Variants in SH3TC1 observed in about 807,000 individuals in gnomAD.
SH3TC1 encodes SH3 domain and tetratricopeptide repeat-containing protein 1.
Under a neutral mutation model 117.3 loss-of-function variants are expected in SH3TC1, and 135 were observed. The ratio of observed to expected loss-of-function variants is 1.15; its 90% CI spans 1.00 to 1.33. The LOEUF (loss-of-function observed/expected upper bound fraction) is 1.33. SH3TC1 is among the 40% of genes most tolerant of loss of function. The probability of loss-of-function intolerance (pLI) is 0.00; values close to 1 mark genes in which losing one functional copy is unlikely to be tolerated. For missense variants in SH3TC1, 2,092 were observed against 1,794.3 expected, an observed-to-expected ratio of 1.17 and a Z score of -3.00; for synonymous variants, 898 against 816.9, an observed-to-expected ratio of 1.10 and a Z score of -1.69.
chr4:8,236,142 C>G (rs1452335206), intron 15 of SH3TC1, 136 bp from the exon 16 acceptor site: 1 of 1,154,908 alleles, frequency 8.7e-7, no homozygotes, highest in Non-Finnish European at 1.2e-6. Context: ...CGCCCTTTAT[C>G]TCAGAGCACA....
intron 3 of SH3TC1, among the ~76,000 whole-genome samples, chr4:8,212,042 T>TG (rs35414452): frequency 6.7e-6 from 1 of 148,942 alleles, no homozygotes; most frequent in Non-Finnish European, 1.5e-5. Flanking sequence ...AGGAGTGGGG[T>TG]GGGGGGTGGA....
At chr4:8,212,872 CAG>C (rs1161981756) in intron 4 of SH3TC1, 44 bp downstream of exon 4, 29 of 1,504,290 alleles carry the variant, frequency 1.9e-5, no homozygotes, top group Non-Finnish European at 2.4e-5. Flanking sequence ...GAGCTGGAGT[CAG>C]GGGGAGGGAG....
chr4:8,219,588 C>T (rs1292264553), intron 9 of SH3TC1, 58 bp downstream of exon 9: 14 of 1,411,516 alleles, frequency 9.9e-6, no homozygotes, highest in South Asian at 3.0e-5. Context: ...CCTAAGGGGA[C>T]GTTGCTGCGT....
chr4:8,218,857 C>A (rs1016428424), intron 8 of SH3TC1, among the ~76,000 whole-genome samples: 2 of 152,192 alleles, frequency 1.3e-5, no homozygotes, highest in African/African-American at 4.8e-5. Context: ...CCGGGTCCAG[C>A]GCTTTGTGCT....
rs114867988 is a variant in SH3TC1, at chr4:8,205,965, G to A, written c.172+599G>A. 8,897 of 425,030 alleles carry A rather than the reference G, an allele frequency of 0.021. 303 individuals are homozygous for A. The highest frequency in any genetic ancestry group is 0.095 in the African/African-American group (4,820 of 50,632). 26.3% of individuals were successfully genotyped at this position (425,030 alleles called of 1,614,324 possible). ...GCCCCTCCCGGCAGGAGACAGCTGCGGTTGTGACCCGTCCCTGGGCCTCGT... is the reference window on the plus strand; with the variant it reads ...GCCCCTCCCGGCAGGAGACAGCTGCAGTTGTGACCCGTCCCTGGGCCTCGT... On this transcript the variant is annotated intron_variant, in intron 2 of 17. Coordinates refer to ENST00000245105, the MANE Select transcript of SH3TC1 (RefSeq NM_018986.5). The surrounding 1 kb of genome is among the most constrained non-coding windows in gnomAD (Gnocchi z 5.4).
At chr4:8,235,270 C>T (rs1721698937) in intron 14 of SH3TC1, among the ~76,000 whole-genome samples, 163 bp from the exon 15 acceptor site, 1 of 152,202 alleles carries the variant, frequency 6.6e-6, no homozygotes, top group South Asian at 2.1e-4. Flanking sequence ...GATCATTGTC[C>T]CCATGCCAGC....
chr4:8,198,575 T>C (rs571680901), upstream of SH3TC1, among the ~76,000 whole-genome samples: 2 of 152,326 alleles, frequency 1.3e-5, no homozygotes, highest in East Asian at 1.9e-4. Flanking sequence ...AGGGGCGAGA[T>C]TACGTGCTTT....
At position 8,205,779 on chromosome 4, in the gene SH3TC1, C is replaced by A. The variant is rs1230360033; in HGVS notation, c.172+413C>A. On this transcript the variant is annotated intron_variant, in intron 2 of 17. Coordinates refer to ENST00000245105, the MANE Select transcript of SH3TC1 (RefSeq NM_018986.5). This position sits in a 1 kb window ranked among gnomAD's most constrained non-coding sequence, Gnocchi z 5.4. ...GCAGAGAGGGAAGGGCCGGGCCAGGCCACCCTGTGGTCAGGGGCCGGGCCA... is the reference window on the plus strand; with the variant it reads ...GCAGAGAGGGAAGGGCCGGGCCAGGACACCCTGTGGTCAGGGGCCGGGCCA... The A allele has an allele frequency of 6.3e-6, 4 of 635,904 alleles. No individual in the cohort carries two copies. The highest frequency in any genetic ancestry group is 1.1e-5 in the Non-Finnish European group (4 of 349,822). 39.4% of individuals were successfully genotyped at this position (635,904 alleles called of 1,614,324 possible).
At chr4:8,221,836 A>G (rs1719947683) in intron 9 of SH3TC1, among the ~76,000 whole-genome samples, 1 of 152,212 alleles carries the variant, frequency 6.6e-6, no homozygotes, top group African/African-American at 2.4e-5. Flanking sequence ...TGTTCTATTC[A>G]GACGTCATGT....
intron 1 of SH3TC1, among the ~76,000 whole-genome samples, chr4:8,202,356 A>G (rs1717894914): frequency 6.6e-6 from 1 of 152,208 alleles, no homozygotes; most frequent in South Asian, 2.1e-4. Flanking sequence ...AGGGCATTTG[A>G]TCAGTGAGGC....
rs1281146 is a variant in SH3TC1 at position 8,227,491 on chromosome 4, A to G, written c.1797A>G (p.Leu599=). The change falls in exon 12 of 18, where the codon CTA becomes CTG. Residue 599 remains leucine, a synonymous_variant. Coordinates refer to ENST00000245105, the MANE Select transcript of SH3TC1 (RefSeq NM_018986.5). ...AGGGCAGCTTCGGGGACCTGTTCCT[A>G]GTGGTGGCTGTGTACGCCAACCTGG... ...ALEGSFGDLF[L]VVAVYANLAS... 1 allele frequency: 1,559,840 copies of G among 1,564,158 alleles called. 777,857 individuals are homozygous for G. The highest frequency in any genetic ancestry group is 1 in the East Asian group (44,628 of 44,628).
intron 17 of SH3TC1, among the ~76,000 whole-genome samples, chr4:8,238,652 C>T (rs1722041353): frequency 6.6e-6 from 1 of 152,128 alleles, no homozygotes; most frequent in Non-Finnish European, 1.5e-5. Context: ...GAAGCGGTCC[C>T]TGTGGCCTCC....
At chr4:8,238,976 A>G (rs1722075274) in intron 17 of SH3TC1, among the ~76,000 whole-genome samples, 1 of 152,134 alleles carries the variant, frequency 6.6e-6, no homozygotes, top group South Asian at 2.1e-4. Flanking sequence ...TTCCAAGGCC[A>G]CACCCTCCTC....
rs762959825 is a variant in SH3TC1, at chr4:8,228,131, G to A, written c.2437G>A (p.Val813Met). Reference sequence around the variant, plus strand: ...GGCCATCACCTTCATGACGCAGGCAGTGGAAGCCAGTGCTATTGCCGGAGT... The same window carrying A: ...GGCCATCACCTTCATGACGCAGGCAATGGAAGCCAGTGCTATTGCCGGAGT... ...GPAITFMTQA[V>M]EASAIAGVRA... is the part of the protein sequence containing the mutation. Residue 813 changes from valine to methionine, a missense_variant, in exon 12 of 18, where the codon GTG (valine) becomes ATG (methionine). By Grantham distance (21) the Val-to-Met change is conservative. Transcript: ENST00000245105. The A allele has an allele frequency of 2.5e-6, 4 of 1,612,274 alleles. No individual in the cohort carries two copies. Among genetic ancestry groups the A allele is most frequent in the Middle Eastern group, 1.7e-4 (1 of 6,060 alleles).
intron 9 of SH3TC1, among the ~76,000 whole-genome samples, chr4:8,221,223 C>A (rs1719893159): frequency 6.6e-6 from 1 of 152,228 alleles, no homozygotes; most frequent in Admixed American, 6.5e-5. Flanking sequence ...GTGAAGTCAA[C>A]ATGTACTGAA....
chr4:8,232,146 G>C lies in SH3TC1; in HGVS notation c.3121G>C (p.Gly1041Arg). 1.5e-6 allele frequency: 2 copies of C among 1,354,870 alleles called. No individual in the cohort carries two copies. Among genetic ancestry groups the C allele is most frequent in the Non-Finnish European group, 2.0e-6 (2 of 1,020,290 alleles). The allele number at this position is 1,354,870 out of a possible 1,614,324, so 83.9% of individuals were successfully genotyped here. ...ETISQLYLSL[G>R]TERAYKSALD... ...CATCAGCCAGCTCTACCTGTCCCTG[G>C]GCACCGAGCGGTGAGGGCTGGCTCT... The change falls in exon 13 of 18, where the codon GGC (glycine) becomes CGC (arginine). Residue 1041 changes from glycine to arginine, a missense_variant. By Grantham distance (125) the Gly-to-Arg change is moderately radical. Coordinates refer to ENST00000245105, the MANE Select transcript of SH3TC1 (RefSeq NM_018986.5).
intron 17 of SH3TC1, 39 bp from the exon 18 acceptor site, chr4:8,240,659 C>A (rs369860369): frequency 6.2e-7 from 1 of 1,610,732 alleles, no homozygotes; most frequent in African/African-American, 1.3e-5. Flanking sequence ...AGACTGGCTC[C>A]GAGTCCCCCT....
In SH3TC1 at chr4:8,210,466, C is replaced by A. The variant is rs79965921; in HGVS notation, c.247+644C>A. ...ACCAGGACGCATTAGGCAATAGGACCGTTATTTAGAATTTGAAAATGCAGG... is the reference window on the plus strand; with the variant it reads ...ACCAGGACGCATTAGGCAATAGGACAGTTATTTAGAATTTGAAAATGCAGG... On this transcript the variant is annotated intron_variant, in intron 3 of 17. Transcript: ENST00000245105. This position sits in a 1 kb window ranked among gnomAD's most constrained non-coding sequence, Gnocchi z 4.1. Among the ~76,000 whole-genome samples, 1 of 152,280 alleles carries A rather than the reference C, an allele frequency of 6.6e-6. No homozygotes were observed. The highest frequency in any genetic ancestry group is 2.4e-5 in the African/African-American group (1 of 41,562).
rs1358892659 is a variant in SH3TC1, at chr4:8,225,383, C to T, written c.1285+167C>T. Among the ~76,000 whole-genome samples the T allele has an allele frequency of 1.3e-5, 2 of 152,108 alleles. No individual in the cohort carries two copies. Among genetic ancestry groups the T allele is most frequent in the African/African-American group, 4.8e-5 (2 of 41,418 alleles). On this transcript the variant is annotated intron_variant, in intron 11 of 17. Coordinates refer to ENST00000245105, the MANE Select transcript of SH3TC1 (RefSeq NM_018986.5). This position sits in a 1 kb window ranked among gnomAD's most constrained non-coding sequence, Gnocchi z 5.5. ...GGTTGCCTGAGGTGGGCCTGAACCT[C>T]CCGTCCACTGTGGCACTGGAGGCCG...
Sources: gnomAD v4.1 joint callset for allele counts (sites outside exome capture counted in the v4.1 genomes callset) on GRCh38, gnomAD v4.1.1 for gene constraint, Gnocchi (gnomAD v3.1) non-coding constraint, MANE v1.5 for transcripts, NCBI Gene and HGNC (gene_info 2026-07-23, HGNC 2026-07-21) for gene names.